GRM1: variants seen among roughly 807,000 people sequenced by gnomAD.
The protein encoded by GRM1 is metabotropic glutamate receptor 1.
GRM1 carries 33 observed loss-of-function variants against 90.9 expected under a neutral mutation model. The ratio of observed to expected loss-of-function variants is 0.36; its 90% confidence interval spans 0.28 to 0.49. The LOEUF is 0.49. Among genes scored for constraint, GRM1 ranks in the 20% least tolerant of loss-of-function variants. The pLI, the probability that GRM1 is intolerant of heterozygous loss-of-function variation, is 0.99. For synonymous variants in GRM1, 700 were observed against 613.2 expected, an observed-to-expected ratio of 1.14 and a Z score of -2.09; for missense variants, 1,190 against 1,534.3, an observed-to-expected ratio of 0.78 and a Z score of 3.75.
intron 1 of GRM1, among the ~76,000 whole-genome samples, chr6:146,088,205 C>T (rs148221711): frequency 1.9e-3 from 295 of 152,116 alleles, no homozygotes; most frequent in African/African-American, 6.0e-3. Context: ...GAGCATCTTT[C>T]CCTGTGCTTA....
At chr6:146,395,135 T>G (rs1296231234) in intron 6 of GRM1, among the ~76,000 whole-genome samples, 1 of 152,150 alleles carries the variant, frequency 6.6e-6, no homozygotes, top group African/African-American at 2.4e-5. Context: ...AGAGACCTTT[T>G]AGTTGGTTTA....
intron 5 of GRM1, among the ~76,000 whole-genome samples, chr6:146,369,842 G>C (rs893639928): frequency 6.6e-6 from 1 of 151,870 alleles, no homozygotes; most frequent in African/African-American, 2.4e-5. Context: ...AGGTCCATTT[G>C]GTCTAAAATG....
At chr6:146,194,332 A>G (rs1201194500) in intron 2 of GRM1, among the ~76,000 whole-genome samples, 1 of 151,894 alleles carries the variant, frequency 6.6e-6, no homozygotes. Flanking sequence ...ACCTCTCTTT[A>G]TGATTCCAGA....
At position 146,397,042 on chromosome 6, in the gene GRM1, G is replaced by A. The variant is rs917774722; in HGVS notation, c.1730-1727G>A. On this transcript the variant is annotated intron_variant, in intron 6 of 7. Coordinates refer to ENST00000282753, the MANE Select transcript of GRM1 (RefSeq NM_001278064.2). The stretch of plus-strand genomic sequence containing the variant: ...TGCTAGTACATGGGAAGGACAGAAT[G>A]CGGGCACGAGGGGGTCCAGTGAGTG... Among the ~76,000 whole-genome samples, 5 of 152,180 alleles carry A rather than the reference G, an allele frequency of 3.3e-5. No homozygotes were observed. The South Asian group carries it at 1.0e-3, about 32-fold the overall frequency.
chr6:146,311,140 G>A (rs1281387458), intron 3 of GRM1, among the ~76,000 whole-genome samples: 8 of 152,100 alleles, frequency 5.3e-5, no homozygotes, highest in Non-Finnish European at 7.4e-5. Context: ...CCAGGATCTC[G>A]TCGAGCAAAG....
intron 1 of GRM1, among the ~76,000 whole-genome samples, chr6:146,050,351 G>C (rs1791481646): frequency 6.6e-6 from 1 of 151,990 alleles, no homozygotes; most frequent in African/African-American, 2.4e-5. Context: ...GCTTGCTCCT[G>C]TTTGGCTGCA....
chr6:146,423,206 G>C (rs976623858), intron 7 of GRM1, among the ~76,000 whole-genome samples: 1 of 152,130 alleles, frequency 6.6e-6, no homozygotes, highest in Non-Finnish European at 1.5e-5. Flanking sequence ...TTTTACTCTG[G>C]CTTGCTGAAT....
chr6:146,371,422 G>A (rs1056806671), intron 5 of GRM1, among the ~76,000 whole-genome samples: 2 of 152,054 alleles, frequency 1.3e-5, no homozygotes, highest in African/African-American at 4.8e-5. Context: ...GTGCATCATG[G>A]AGAATGCGGT....
chr6:146,370,921 C>G (rs1205157972), intron 5 of GRM1, among the ~76,000 whole-genome samples: 1 of 152,006 alleles, frequency 6.6e-6, no homozygotes, highest in Non-Finnish European at 1.5e-5. Flanking sequence ...ATTTTATGTT[C>G]TTACCATTTT....
At chr6:146,335,605 C>T (rs1429831086) in intron 3 of GRM1, among the ~76,000 whole-genome samples, 1 of 152,132 alleles carries the variant, frequency 6.6e-6, no homozygotes, top group African/African-American at 2.4e-5. Flanking sequence ...TAACTTCTTC[C>T]TACTCCAAGT....
intron 1 of GRM1, among the ~76,000 whole-genome samples, chr6:146,041,509 C>T (rs970302364): frequency 2.0e-5 from 3 of 151,958 alleles, no homozygotes. Context: ...AGCTCTCACA[C>T]AAGTTGGAAG....
chr6:146,318,556 C>T (rs368560040), intron 3 of GRM1, among the ~76,000 whole-genome samples: 10 of 152,152 alleles, frequency 6.6e-5, no homozygotes, highest in East Asian at 5.8e-4. Context: ...ATTTCTGGTT[C>T]TAGGTCCTTG....
intron 2 of GRM1, among the ~76,000 whole-genome samples, chr6:146,210,302 C>T (rs568702246): frequency 6.6e-6 from 1 of 152,208 alleles, no homozygotes; most frequent in African/African-American, 2.4e-5. Flanking sequence ...TCTGTGAAAT[C>T]GGGATAATAA....
chr6:146,111,465 T>C (rs1583017994), intron 1 of GRM1, among the ~76,000 whole-genome samples: 1 of 152,180 alleles, frequency 6.6e-6, no homozygotes, highest in Non-Finnish European at 1.5e-5. Context: ...TTGCAAGCAA[T>C]ATTAAATGAT....
Position 146,434,977 on chromosome 6 carries a change from C to T in GRM1, c.*181C>T. 1.6e-6 allele frequency: 1 copy of T among 620,612 alleles called. No individual in the cohort carries two copies. The highest frequency in any genetic ancestry group is 1.8e-5 in the South Asian group (1 of 56,346). The allele number at this position is 620,612 out of a possible 1,614,324, so 38.4% of individuals were successfully genotyped here. ...TAAGTAGGAAGAGAGGGAAGGACACCAAGCAAAAAATGTTCCAGGCCAGGA... is the reference window on the plus strand; with the variant it reads ...TAAGTAGGAAGAGAGGGAAGGACACTAAGCAAAAAATGTTCCAGGCCAGGA... On this transcript the variant is annotated 3_prime_UTR_variant, in exon 8 of 8. Transcript: ENST00000282753.
intron 7 of GRM1, among the ~76,000 whole-genome samples, chr6:146,420,853 CA>C (rs1777964938): frequency 6.6e-6 from 1 of 151,856 alleles, no homozygotes; most frequent in South Asian, 2.1e-4. Context: ...TTGACAGATA[CA>C]AAAAGGATGA....
chr6:146,428,344 G>A (rs906078151), intron 7 of GRM1, among the ~76,000 whole-genome samples: 40 of 152,176 alleles, frequency 2.6e-4, no homozygotes, highest in African/African-American at 8.0e-4. Context: ...ATTATGGTCT[G>A]TCTAGATCTA....
At chr6:146,284,792 T>C (rs1488991956) in intron 2 of GRM1, among the ~76,000 whole-genome samples, 3 of 152,210 alleles carry the variant, frequency 2.0e-5, no homozygotes, top group African/African-American at 7.2e-5. Flanking sequence ...TGTGGAACTG[T>C]GAGTCAATTA....
At chr6:146,088,973 G>C (rs774244227) in intron 1 of GRM1, among the ~76,000 whole-genome samples, 2 of 152,072 alleles carry the variant, frequency 1.3e-5, no homozygotes, top group African/African-American at 2.4e-5. Context: ...GCAGACCCAT[G>C]ATGGCCATTC....
Sources: gnomAD v4.1 joint callset for allele counts (sites outside exome capture counted in the v4.1 genomes callset) on GRCh38, gnomAD v4.1.1 for gene constraint, MANE v1.5 for transcripts, NCBI Gene and HGNC (gene_info 2026-07-23, HGNC 2026-07-21) for gene names.